LRRC27: variants seen among roughly 807,000 people sequenced by gnomAD.
LRRC27 encodes the protein leucine rich repeat containing 27, also known as leucine-rich repeat-containing protein 27.
A neutral mutation model predicts 55.0 loss-of-function variants in LRRC27; 57 were observed. The observed-to-expected ratio is 1.04, with a 90% confidence interval of 0.84 to 1.29. LRRC27 has a LOEUF of 1.29. Among genes scored for constraint, LRRC27 ranks in the 50% most tolerant of loss-of-function variants. The probability of loss-of-function intolerance (pLI) is 0.00; values close to 1 mark genes in which losing one functional copy is unlikely to be tolerated. For missense variants in LRRC27, 721 were observed against 651.5 expected (o/e 1.11, Z -1.16); for synonymous variants, 278 against 251.9 (o/e 1.10, Z -0.98).
intron 3 of LRRC27, among the ~76,000 whole-genome samples, chr10:132,338,871 G>A (rs760971848): frequency 1.6e-4 from 24 of 151,884 alleles, no homozygotes; most frequent in African/African-American, 1.9e-4. Flanking sequence ...CACCATGCCC[G>A]GCTAATTTTT....
In LRRC27 at chr10:132,365,479, C is replaced by T. The variant is rs760833499; in HGVS notation, c.1345C>T (p.Arg449Cys). 57 of 1,613,534 alleles carry T rather than the reference C, an allele frequency of 3.5e-5. No homozygotes were observed. Among genetic ancestry groups the T allele is most frequent in the Non-Finnish European group, 4.4e-5 (52 of 1,179,972 alleles). ...GATAAAACAGCACGTCCTCCAAATG[C>T]GTGAGCAAAGAAGATTCCATGGCCA... is the stretch of plus-strand genomic sequence containing the variant. ...EKIKQHVLQMREQRRFHGQAP... is the reference protein window; with the variant it reads ...EKIKQHVLQMCEQRRFHGQAP... Residue 449 changes from arginine to cysteine, a missense_variant, in exon 10 of 11, where the codon CGT becomes TGT. Arg to Cys is a radical substitution (Grantham distance 180). Coordinates refer to ENST00000368614, the MANE Select transcript of LRRC27 (RefSeq NM_030626.3).
intron 6 of LRRC27, chr10:132,350,545 T>G (rs1254469078): frequency 1.3e-5 from 2 of 152,198 alleles, no homozygotes; most frequent in African/African-American, 4.8e-5. Context: ...CCCGTGCAGA[T>G]GGGGAAGACG....
At position 132,362,606 on chromosome 10, in the gene LRRC27, C is replaced by T. The variant is rs139803083; in HGVS notation, c.1289+1031C>T. On this transcript the variant is annotated intron_variant, in intron 9 of 10. Transcript: ENST00000368614. ...AGTGACAGCAGCTGTTCAGGGTTCC[C>T]GGGGGTTCACCCTTCTCACCTCACA... 4.6e-5 allele frequency among the ~76,000 whole-genome samples: 7 copies of T among 152,080 alleles called. No homozygotes were observed. The East Asian group carries it at 1.2e-3, about 25-fold the overall frequency.
intron 2 of LRRC27, among the ~76,000 whole-genome samples, chr10:132,335,567 G>T (rs2067084640): frequency 6.6e-6 from 1 of 150,876 alleles, no homozygotes. Context: ...CTCATAGGCT[G>T]AGTACTATGG....
chr10:132,348,089 C>T lies in LRRC27; in HGVS notation c.659C>T (p.Pro220Leu), dbSNP rs1342337359. The T allele has an allele frequency of 1.2e-5, 20 of 1,613,982 alleles. No individual in the cohort carries two copies. Among genetic ancestry groups the T allele is most frequent in the Non-Finnish European group, 1.6e-5 (19 of 1,180,046 alleles). ...SNQGAVNAQD[P>L]EGAVMKEKAS... The stretch of plus-strand genomic sequence containing the variant: ...CAAGGAGCTGTGAACGCTCAGGACC[C>T]AGAGGGGGCTGTGATGAAAGAGAAG... Residue 220 changes from proline (P) to leucine (L), a missense_variant, in exon 6 of 11, where the codon CCA (proline) becomes CTA (leucine). Transcript: ENST00000368614. The surrounding 1 kb of genome is among the most constrained non-coding windows in gnomAD (Gnocchi z 4.2).
chr10:132,361,411 C>T, intron 8 of LRRC27, 46 bp from the exon 9 acceptor site: 1 of 1,486,506 alleles, frequency 6.7e-7, no homozygotes, highest in Admixed American at 1.7e-5. Flanking sequence ...TGTGGAAAAA[C>T]ATCATCTACT....
chr10:132,362,042 A>C (rs1180133418), intron 9 of LRRC27, among the ~76,000 whole-genome samples: 1 of 151,970 alleles, frequency 6.6e-6, no homozygotes, highest in Non-Finnish European at 1.5e-5. Flanking sequence ...CCTTCCCCTC[A>C]TGGGGTGTTG....
chr10:132,361,692 CG>C, intron 9 of LRRC27, 117 bp downstream of exon 9: 3 of 776,186 alleles, frequency 3.9e-6, no homozygotes, highest in Non-Finnish European at 6.5e-6. Flanking sequence ...CAGGCTGTGG[CG>C]GGCCCCAGGC....
chr10:132,363,173 C>G (rs2068725676), intron 9 of LRRC27, among the ~76,000 whole-genome samples: 1 of 130,678 alleles, frequency 7.7e-6, no homozygotes, highest in African/African-American at 2.9e-5. Context: ...GGTTCATGAA[C>G]CCTCTCACCT....
chr10:132,355,136 C>T (rs1486678715), intron 7 of LRRC27, among the ~76,000 whole-genome samples: 2 of 152,146 alleles, frequency 1.3e-5, no homozygotes, highest in East Asian at 1.9e-4. Context: ...AGTGCAGTGG[C>T]TCAATCTTGG....
Position 132,375,278 on chromosome 10 carries a change from CAGG to C in LRRC27, c.*39_*41del. ...CTGGACTGATGGAGACGTCTTCAGA[CAGG>C]AGCCGCTCAGTCTTCTTTCCCGGGC... On this transcript the variant is annotated 3_prime_UTR_variant, in exon 11 of 11. Transcript: ENST00000368614. The C allele has an allele frequency of 6.3e-7, 1 of 1,580,782 alleles. No homozygotes were observed. Among genetic ancestry groups the C allele is most frequent in the Non-Finnish European group, 8.6e-7 (1 of 1,159,344 alleles).
At chr10:132,356,882 G>C (rs1040717770) in intron 8 of LRRC27, among the ~76,000 whole-genome samples, 1 of 152,254 alleles carries the variant, frequency 6.6e-6, no homozygotes, top group African/African-American at 2.4e-5. Context: ...TTTCTTTGGT[G>C]CTTTCTTCTA....
At chr10:132,335,504 C>T (rs1334655811) in intron 2 of LRRC27, among the ~76,000 whole-genome samples, 1 of 149,160 alleles carries the variant, frequency 6.7e-6, no homozygotes, top group Non-Finnish European at 1.5e-5. Flanking sequence ...TCCTGGATGT[C>T]GTCTATTGGT....
At chr10:132,331,855 C>G (rs779258325), upstream of LRRC27, 1 of 1,409,808 alleles carries the variant, frequency 7.1e-7, no homozygotes, top group Non-Finnish European at 9.6e-7. Context: ...CGGATGCTAC[C>G]GTTGGCCGCG....
chr10:132,337,793 C>A, intron 3 of LRRC27, 98 bp downstream of exon 3: 2 of 1,391,108 alleles, frequency 1.4e-6, no homozygotes, highest in Non-Finnish European at 2.0e-6. Context: ...TAAATTTTTA[C>A]CTCGGAATAG....
intron 2 of LRRC27, 22 bp downstream of exon 2, chr10:132,333,756 G>A (rs779720580): frequency 1.3e-6 from 2 of 1,597,330 alleles, no homozygotes; most frequent in African/African-American, 1.3e-5. Flanking sequence ...TGCTCCTCAG[G>A]CTGTGTGCCC....
At chr10:132,353,022 C>T (rs2068136305) in intron 7 of LRRC27, 1 of 1,594,514 alleles carries the variant, frequency 6.3e-7, no homozygotes, top group Non-Finnish European at 8.5e-7. Flanking sequence ...TCCTCAGTGT[C>T]TTCTCTGTCC....
chr10:132,371,204 C>T (rs1359137420), intron 10 of LRRC27, among the ~76,000 whole-genome samples: 14 of 152,248 alleles, frequency 9.2e-5, no homozygotes, highest in Middle Eastern at 3.2e-3. Flanking sequence ...AAGGAGTCCT[C>T]GGTGGCATGG....
At chr10:132,363,195 G>A (rs1175708054) in intron 9 of LRRC27, among the ~76,000 whole-genome samples, 6 of 132,340 alleles carry the variant, frequency 4.5e-5, no homozygotes, top group South Asian at 2.4e-4. Context: ...ACAGCTGCTC[G>A]GGGGTCCGGG....
Sources: gnomAD v4.1 joint callset for allele counts (sites outside exome capture counted in the v4.1 genomes callset) on GRCh38, gnomAD v4.1.1 for gene constraint, Gnocchi (gnomAD v3.1) non-coding constraint, MANE v1.5 for transcripts, NCBI Gene and HGNC (gene_info 2026-07-23, HGNC 2026-07-21) for gene names.